ANO5: variants seen among roughly 807,000 people sequenced by gnomAD.
ANO5 encodes the protein anoctamin-5.
Under a neutral mutation model 121.0 loss-of-function variants are expected in ANO5, and 109 were observed. The ratio of observed to expected loss-of-function variants is 0.90; its 90% CI spans 0.77 to 1.06. ANO5 has a LOEUF of 1.06. Ranked by LOEUF, ANO5 falls within the 50% of genes least tolerant of loss-of-function variation. ANO5 has a pLI of 0.00. For synonymous variants in ANO5, 406 were observed against 359.9 expected (o/e 1.13, Z -1.45); for missense variants, 1,064 against 1,078.5 (o/e 0.99, Z 0.19).
At chr11:22,255,314 T>G in intron 12 of ANO5, 57 bp from the exon 13 acceptor site, 2 of 1,397,788 alleles carry the variant, frequency 1.4e-6, no homozygotes, top group East Asian at 5.1e-5. Context: ...AAGGGAAAAG[T>G]TGAAAAAGTT....
chr11:22,212,009 C>A (rs77798492), intron 3 of ANO5, among the ~76,000 whole-genome samples: 1 of 144,336 alleles, frequency 6.9e-6, no homozygotes, highest in Non-Finnish European at 1.5e-5. Context: ...TTTTTTTTTA[C>A]TACATAAAGC....
At chr11:22,243,479 C>T (rs1296622020) in intron 9 of ANO5, among the ~76,000 whole-genome samples, 2 of 151,958 alleles carry the variant, frequency 1.3e-5, no homozygotes, top group East Asian at 3.9e-4. Flanking sequence ...GGAATAGTTT[C>T]AGCAGGGTTG....
At chr11:22,216,530 A>G (rs1261525401) in intron 3 of ANO5, among the ~76,000 whole-genome samples, 2 of 151,866 alleles carry the variant, frequency 1.3e-5, no homozygotes, top group Non-Finnish European at 2.9e-5. Context: ...CTGCATTTTA[A>G]AAAAATGAGT....
chr11:22,261,670 A>C (rs1854192535), intron 15 of ANO5: 1 of 173,870 alleles, frequency 5.8e-6, no homozygotes, highest in African/African-American at 2.4e-5. Flanking sequence ...TCTCAAAAAT[A>C]AATAAATAAA....
Position 22,279,798 on chromosome 11 carries a change from C to CT in ANO5, c.*35dup. On this transcript the variant is annotated 3_prime_UTR_variant, in exon 22 of 22. Transcript: ENST00000324559. ...AGTGAGGAAGCAGCAGGTGATCTGC[C>CT]TTACTTCACTTTATCCTCTGGTTTT... 1 of 1,560,930 alleles carries CT rather than the reference C, an allele frequency of 6.4e-7. No homozygotes were observed. Among genetic ancestry groups the CT allele is most frequent in the Non-Finnish European group, 8.8e-7 (1 of 1,135,398 alleles).
chr11:22,196,590 G>T (rs1323439057), intron 1 of ANO5, among the ~76,000 whole-genome samples: 1 of 151,096 alleles, frequency 6.6e-6, no homozygotes, highest in Admixed American at 6.6e-5. Flanking sequence ...GACACTGTTG[G>T]CTGGGTGTGT....
At chr11:22,252,440 T>G (rs1463284756) in intron 12 of ANO5, among the ~76,000 whole-genome samples, 1 of 152,176 alleles carries the variant, frequency 6.6e-6, no homozygotes, top group Non-Finnish European at 1.5e-5. Flanking sequence ...TGGGTGTGTG[T>G]GGAGCACCCT....
intron 3 of ANO5, among the ~76,000 whole-genome samples, chr11:22,215,844 C>A (rs1406879718): frequency 6.6e-6 from 1 of 151,706 alleles, no homozygotes; most frequent in African/African-American, 2.4e-5. Flanking sequence ...CTAGCAACCG[C>A]TGATTTGTTT....
chr11:22,233,671 G>A (rs1853118108), intron 7 of ANO5, among the ~76,000 whole-genome samples: 1 of 152,032 alleles, frequency 6.6e-6, no homozygotes, highest in Non-Finnish European at 1.5e-5. Flanking sequence ...TGAAACTCTT[G>A]CAAAAATTGC....
chr11:22,272,177 G>A (rs976747181), intron 18 of ANO5, among the ~76,000 whole-genome samples: 3 of 152,070 alleles, frequency 2.0e-5, no homozygotes. Context: ...TTACACAGGT[G>A]TGGTCCTCTG....
At chr11:22,202,110 A>G (rs546576355) in intron 1 of ANO5, among the ~76,000 whole-genome samples, 3 of 152,116 alleles carry the variant, frequency 2.0e-5, no homozygotes, top group African/African-American at 7.2e-5. Context: ...AACTCATATC[A>G]AGAATGACCC....
intron 1 of ANO5, among the ~76,000 whole-genome samples, chr11:22,200,923 C>T (rs1163420395): frequency 6.6e-6 from 1 of 152,002 alleles, no homozygotes; most frequent in African/African-American, 2.4e-5. Context: ...TGTGTGAGTA[C>T]TGTTGTCTCT....
At chr11:22,221,321 C>G in intron 5 of ANO5, 111 bp downstream of exon 5, 1 of 890,916 alleles carries the variant, frequency 1.1e-6, no homozygotes, top group Non-Finnish European at 1.8e-6. Flanking sequence ...TGAAGTGTTA[C>G]TGAAAACTGA....
chr11:22,216,575 A>G (rs1365393311), intron 3 of ANO5, among the ~76,000 whole-genome samples: 1 of 151,944 alleles, frequency 6.6e-6, no homozygotes, highest in East Asian at 1.9e-4. Flanking sequence ...AGAGTTGTTT[A>G]TGTATTCTGG....
chr11:22,205,677 C>A (rs1852096938), intron 2 of ANO5, among the ~76,000 whole-genome samples: 1 of 151,468 alleles, frequency 6.6e-6, no homozygotes, highest in Admixed American at 6.6e-5. Context: ...TCATTGAAAC[C>A]AAAAGCTGTG....
intron 1 of ANO5, among the ~76,000 whole-genome samples, chr11:22,202,560 C>T (rs189042386): frequency 6.6e-6 from 1 of 152,212 alleles, no homozygotes; most frequent in Non-Finnish European, 1.5e-5. Flanking sequence ...AGTCTAAGAT[C>T]ATGGTACTGA....
intron 3 of ANO5, among the ~76,000 whole-genome samples, chr11:22,216,710 T>G (rs1197453120): frequency 3.3e-5 from 5 of 151,902 alleles, no homozygotes; most frequent in African/African-American, 4.8e-5. Flanking sequence ...TTTCTCATAT[T>G]TTATCTTTTA....
chr11:22,219,883 T>A (rs1268552104), intron 4 of ANO5, among the ~76,000 whole-genome samples: 2 of 123,318 alleles, frequency 1.6e-5, no homozygotes, highest in Admixed American at 9.1e-5. Context: ...AATCTCTAGG[T>A]TCCCTAGATT....
intron 2 of ANO5, among the ~76,000 whole-genome samples, chr11:22,205,652 A>G (rs1229838145): frequency 3.3e-5 from 5 of 152,124 alleles, no homozygotes; most frequent in African/African-American, 1.2e-4. Flanking sequence ...GAAAACCAGA[A>G]AGTATTAGAA....
Sources: allele counts gnomAD v4.1 joint callset (sites outside exome capture counted in the v4.1 genomes callset), GRCh38; gene constraint gnomAD v4.1.1; transcripts MANE v1.5; gene names NCBI Gene and HGNC (gene_info 2026-07-23, HGNC 2026-07-21).